LOC400499: variants seen among roughly 807,000 people sequenced by gnomAD.
chr16:11,375,330 T>G, the LOC400499 span, among the ~76,000 whole-genome samples: 1 of 111,400 alleles, frequency 9.0e-6, no homozygotes, highest in South Asian at 2.5e-4. Flanking sequence ...TTTTTTTTTT[T>G]GGAGACAGAG....
chr16:11,475,101 C>T, the LOC400499 span, among the ~76,000 whole-genome samples: 1 of 152,096 alleles, frequency 6.6e-6, no homozygotes, highest in African/African-American at 2.4e-5. Context: ...CTCCTTTTCC[C>T]TTGCAGCTTG....
the LOC400499 span, among the ~76,000 whole-genome samples, chr16:11,379,863 A>G: frequency 6.6e-6 from 1 of 152,250 alleles, no homozygotes. Context: ...AACATCCTGA[A>G]GTTAGAGCAA....
At chr16:11,453,804 AAAAAAAAGAAAAAG>A in the LOC400499 span, among the ~76,000 whole-genome samples, 173 of 151,968 alleles carry the variant, frequency 1.1e-3, 2 homozygotes, top group Non-Finnish European at 2.1e-3. Context: ...CCCATTCTCC[AAAAAAAAGAAAAAG>A]AAAAAAAGAA....
At chr16:11,516,871 T>A in the LOC400499 span, among the ~76,000 whole-genome samples, 1 of 152,152 alleles carries the variant, frequency 6.6e-6, no homozygotes, top group African/African-American at 2.4e-5. Flanking sequence ...GATCTCAAAC[T>A]CCTGAGCTCA....
chr16:11,516,037 G>C, the LOC400499 span: 1 of 399,452 alleles, frequency 2.5e-6, no homozygotes, highest in Non-Finnish European at 4.4e-6. Context: ...GCTGGTATGT[G>C]GTAGGACATC....
the LOC400499 span, among the ~76,000 whole-genome samples, chr16:11,397,678 T>C: frequency 6.6e-6 from 1 of 151,502 alleles, no homozygotes. Flanking sequence ...AGAGACTGGA[T>C]GGTTCATAAA....
the LOC400499 span, among the ~76,000 whole-genome samples, chr16:11,506,282 C>A: frequency 1.3e-5 from 2 of 152,182 alleles, no homozygotes; most frequent in African/African-American, 2.4e-5. Flanking sequence ...GCCTCAGCCT[C>A]CCAAAGTGCT....
the LOC400499 span, chr16:11,491,659 AC>A: frequency 1.7e-5 from 4 of 231,380 alleles, no homozygotes; most frequent in Admixed American, 1.3e-4. Flanking sequence ...TCCCAGCCCC[AC>A]CCCTGCCCAC....
the LOC400499 span, among the ~76,000 whole-genome samples, chr16:11,488,418 T>C: frequency 2.0e-5 from 3 of 152,076 alleles, no homozygotes; most frequent in Non-Finnish European, 4.4e-5. Flanking sequence ...GTTGTTGTTG[T>C]TTGTTTGTTT....
chr16:11,385,796 G>T, the LOC400499 span, among the ~76,000 whole-genome samples: 2 of 152,212 alleles, frequency 1.3e-5, no homozygotes, highest in Admixed American at 1.3e-4. Flanking sequence ...TCAGTTTGGG[G>T]TGATGAAAAT....
chr16:11,445,611 G>T, the LOC400499 span, among the ~76,000 whole-genome samples: 2 of 152,128 alleles, frequency 1.3e-5, no homozygotes, highest in African/African-American at 4.8e-5. Flanking sequence ...CCCGAGGCAG[G>T]AAAGAGCCAG....
At chr16:11,392,133 C>A in the LOC400499 span, 627 of 399,070 alleles carry the variant, frequency 1.6e-3, 6 homozygotes, top group African/African-American at 0.012. Flanking sequence ...GCTGGGGCCT[C>A]GCAGGAATGA....
the LOC400499 span, among the ~76,000 whole-genome samples, chr16:11,457,767 C>A: frequency 2.0e-5 from 3 of 152,168 alleles, no homozygotes; most frequent in African/African-American, 7.2e-5. Flanking sequence ...AAGCAACCCA[C>A]ATGTCCATCA....
chr16:11,381,968 A>C, the LOC400499 span, among the ~76,000 whole-genome samples: 1 of 146,726 alleles, frequency 6.8e-6, no homozygotes, highest in Non-Finnish European at 1.5e-5. Flanking sequence ...TTTGAGACGG[A>C]GTCTTGCTCT....
chr16:11,382,163 C>G, the LOC400499 span, among the ~76,000 whole-genome samples: 1 of 152,108 alleles, frequency 6.6e-6, no homozygotes, highest in African/African-American at 2.4e-5. Flanking sequence ...GTCTCAAACT[C>G]CTGACCTCAG....
chr16:11,407,891 G>C, the LOC400499 span, among the ~76,000 whole-genome samples: 1 of 151,326 alleles, frequency 6.6e-6, no homozygotes, highest in African/African-American at 2.4e-5. Flanking sequence ...CACTGCGGGG[G>C]AACTTATTAA....
At chr16:11,429,463 T>C in the LOC400499 span, among the ~76,000 whole-genome samples, 3 of 152,272 alleles carry the variant, frequency 2.0e-5, no homozygotes, top group East Asian at 5.8e-4. Flanking sequence ...AGGGAAAGCA[T>C]TCTGCCCTAA....
At chr16:11,384,988 C>A in the LOC400499 span, 8 of 1,232,136 alleles carry the variant, frequency 6.5e-6, no homozygotes, top group Admixed American at 4.2e-5. Context: ...TGGAGACGTC[C>A]TTCCTTGTCG....
chr16:11,430,382 C>T, the LOC400499 span, among the ~76,000 whole-genome samples: 15 of 151,964 alleles, frequency 9.9e-5, no homozygotes, highest in Non-Finnish European at 2.1e-4. Context: ...CCAAGCTACT[C>T]GGGAGGCTGA....
Sources: gnomAD v4.1 joint callset for allele counts (sites outside exome capture counted in the v4.1 genomes callset) on GRCh38, gnomAD v4.1.1 for gene constraint, MANE v1.5 for transcripts.